The following PCDH15 variants were observed in gnomAD, a reference collection of about 807,000 sequenced individuals.
PCDH15 encodes protocadherin-15.
PCDH15 carries 129 observed loss-of-function variants against 178.5 expected under a neutral mutation model. The ratio of observed to expected loss-of-function variants is 0.72; its 90% CI spans 0.63 to 0.84. The LOEUF (loss-of-function observed/expected upper bound fraction) is 0.84. Among genes scored for constraint, PCDH15 ranks in the 40% least tolerant of loss-of-function variants. PCDH15 has a pLI of 0.00. For synonymous variants in PCDH15, 800 were observed against 732.0 expected (o/e 1.09, Z -1.50); for missense variants, 2,230 against 2,099.9 (o/e 1.06, Z -1.21).
At chr10:54,287,464 C>T (rs896174310) in intron 8 of PCDH15, among the ~76,000 whole-genome samples, 1 of 152,032 alleles carries the variant, frequency 6.6e-6, no homozygotes, top group Non-Finnish European at 1.5e-5. Flanking sequence ...ATTCCAGTAC[C>T]TAATTTCTCT....
chr10:54,828,236 A>G (rs1953162936), intron 3 of PCDH15, among the ~76,000 whole-genome samples: 1 of 152,036 alleles, frequency 6.6e-6, no homozygotes, highest in African/African-American at 2.4e-5. Context: ...AGGAGAGATC[A>G]TAAGTCCTGA....
intron 2 of PCDH15, among the ~76,000 whole-genome samples, chr10:55,350,256 TATATATATATATAC>T (rs1425874824): frequency 2.4e-4 from 16 of 67,398 alleles, no homozygotes; most frequent in South Asian, 4.9e-4. Context: ...TATATATATA[TATATATATATATAC>T]ACACACACAC....
intron 8 of PCDH15, among the ~76,000 whole-genome samples, chr10:54,314,625 G>A (rs901377839): frequency 1.3e-5 from 2 of 151,964 alleles, no homozygotes; most frequent in Non-Finnish European, 2.9e-5. Flanking sequence ...ATAGATTATT[G>A]CGTCACCCAG....
chr10:54,161,810 A>G (rs978352639), intron 13 of PCDH15, among the ~76,000 whole-genome samples: 3 of 152,046 alleles, frequency 2.0e-5, no homozygotes, highest in African/African-American at 7.2e-5. Flanking sequence ...TTGTTTTTGC[A>G]CAAGTATTTT....
At chr10:55,337,383 C>A (rs929521624) in intron 2 of PCDH15, among the ~76,000 whole-genome samples, 2 of 152,150 alleles carry the variant, frequency 1.3e-5, no homozygotes, top group African/African-American at 2.4e-5. Flanking sequence ...CATTGCTGAC[C>A]TCAAACTTCA....
chr10:54,345,321 A>T (rs1943061509), intron 6 of PCDH15, among the ~76,000 whole-genome samples: 1 of 152,156 alleles, frequency 6.6e-6, no homozygotes, highest in African/African-American at 2.4e-5. Flanking sequence ...GTCTGTCTAA[A>T]GTTTATCTAC....
At chr10:54,958,778 C>A (rs1031680653) in intron 2 of PCDH15, among the ~76,000 whole-genome samples, 6 of 151,398 alleles carry the variant, frequency 4.0e-5, no homozygotes, top group Admixed American at 3.3e-4. Flanking sequence ...AAAAAAAATA[C>A]CCCACTCTCC....
Position 54,066,245 on chromosome 10 carries a change from C to T in PCDH15, c.2220+512G>A, listed in dbSNP as rs148476311. ...TATTCATCAAATGAACCACAGACAC[C>T]GGCTAATATGTCCAGGTAGATCCAG... On this transcript the variant is annotated intron_variant, in intron 18 of 37. Transcript: ENST00000644397. Among the ~76,000 whole-genome samples, 465 of 152,230 alleles carry T rather than the reference C, an allele frequency of 3.1e-3. 2 individuals carry two copies. Among genetic ancestry groups the T allele is most frequent in the East Asian group, 9.7e-3 (50 of 5,176 alleles).
intron 1 of PCDH15, among the ~76,000 whole-genome samples, chr10:54,781,120 A>T (rs1245207743): frequency 6.6e-6 from 1 of 152,128 alleles, no homozygotes; most frequent in Admixed American, 6.6e-5. Flanking sequence ...AGCCCAAGTG[A>T]GAAAAGTCAA....
intron 1 of PCDH15, among the ~76,000 whole-genome samples, chr10:55,167,354 G>C (rs1233436663): frequency 1.3e-5 from 2 of 152,058 alleles, no homozygotes; most frequent in Non-Finnish European, 2.9e-5. Flanking sequence ...GGGCTCAAGT[G>C]ATTCTCCCAC....
intron 2 of PCDH15, among the ~76,000 whole-genome samples, chr10:54,898,295 TG>T (rs1273448220): frequency 1.3e-5 from 2 of 152,156 alleles, no homozygotes; most frequent in Middle Eastern, 3.2e-3. Context: ...TATTTAAAAA[TG>T]GAAGAATGAT....
chr10:54,090,374 G>A (rs1355330718), intron 15 of PCDH15, among the ~76,000 whole-genome samples: 1 of 152,152 alleles, frequency 6.6e-6, no homozygotes. Context: ...TGGGCACAGT[G>A]GCTCAAGCCT....
intron 1 of PCDH15, among the ~76,000 whole-genome samples, chr10:55,228,294 G>A (rs11004781): frequency 0.26 from 39,409 of 151,704 alleles, 5,403 homozygotes; most frequent in Middle Eastern, 0.35. Context: ...AAGTCCATAC[G>A]TCAAGTGTTA....
At chr10:55,322,944 G>A (rs1843940525), upstream of PCDH15, among the ~76,000 whole-genome samples, 1 of 152,120 alleles carries the variant, frequency 6.6e-6, no homozygotes, top group Non-Finnish European at 1.5e-5. Flanking sequence ...AGGCTTAGAA[G>A]GGAAAAATGG....
At chr10:55,486,449 T>G (rs972201218) in intron 2 of PCDH15, among the ~76,000 whole-genome samples, 1 of 140,482 alleles carries the variant, frequency 7.1e-6, no homozygotes, top group Admixed American at 7.4e-5. Flanking sequence ...GAAAATATAA[T>G]AATTTATATG....
chr10:55,256,955 C>T (rs1349555383), intron 1 of PCDH15, among the ~76,000 whole-genome samples: 2 of 152,174 alleles, frequency 1.3e-5, no homozygotes, highest in Non-Finnish European at 2.9e-5. Flanking sequence ...CCTGAGTAGA[C>T]TAACTGGGAG....
intron 2 of PCDH15, among the ~76,000 whole-genome samples, chr10:55,049,561 G>C (rs1306238796): frequency 2.6e-5 from 4 of 151,938 alleles, no homozygotes; most frequent in Middle Eastern, 3.4e-3. Context: ...AACATGAATA[G>C]AGAACTCTTT....
At chr10:54,349,037 A>G (rs938766798) in intron 5 of PCDH15, among the ~76,000 whole-genome samples, 2 of 152,216 alleles carry the variant, frequency 1.3e-5, no homozygotes, top group Non-Finnish European at 2.9e-5. Context: ...CCATATATCT[A>G]ATAAACTTAA....
intron 1 of PCDH15, among the ~76,000 whole-genome samples, chr10:55,209,451 T>C (rs993941762): frequency 3.3e-5 from 5 of 152,068 alleles, no homozygotes; most frequent in Non-Finnish European, 7.4e-5. Context: ...GAGGCTATTG[T>C]ACTGGTCTAT....
Sources: gnomAD v4.1 joint callset for allele counts (sites outside exome capture counted in the v4.1 genomes callset) on GRCh38, gnomAD v4.1.1 for gene constraint, MANE v1.5 for transcripts, NCBI Gene and HGNC (gene_info 2026-07-23, HGNC 2026-07-21) for gene names.